Variants in KHDRBS2 observed in about 807,000 individuals in gnomAD.
KHDRBS2 encodes the protein KH domain-containing, RNA-binding, signal transduction-associated protein 2.
Under a neutral mutation model 44.3 loss-of-function variants are expected in KHDRBS2, and 26 were observed. The ratio of observed to expected loss-of-function variants is 0.59; its 90% CI spans 0.43 to 0.81. The LOEUF (loss-of-function observed/expected upper bound fraction) is 0.81, where lower values mean the gene tolerates loss of function less well. Among genes scored for constraint, KHDRBS2 ranks in the 40% least tolerant of loss-of-function variants. The pLI, the probability that KHDRBS2 is intolerant of heterozygous loss-of-function variation, is 0.00. For missense variants in KHDRBS2, 476 were observed against 433.1 expected (o/e 1.10, Z -0.88); for synonymous variants, 194 against 151.1 (o/e 1.28, Z -2.08).
At chr6:62,145,386 C>T (rs1813705950) in intron 2 of KHDRBS2, among the ~76,000 whole-genome samples, 1 of 151,096 alleles carries the variant, frequency 6.6e-6, no homozygotes, top group South Asian at 2.1e-4. Context: ...ATCGCTTTTT[C>T]ACTTTTTAAT....
chr6:62,221,783 C>A (rs1368335840), intron 1 of KHDRBS2, among the ~76,000 whole-genome samples: 3 of 152,040 alleles, frequency 2.0e-5, no homozygotes, highest in Non-Finnish European at 2.9e-5. Flanking sequence ...CTATTAAAAA[C>A]TTGACTTCAT....
intron 6 of KHDRBS2, among the ~76,000 whole-genome samples, chr6:61,736,110 T>C (rs1439917408): frequency 6.6e-6 from 1 of 151,380 alleles, no homozygotes; most frequent in Non-Finnish European, 1.5e-5. Context: ...TTTCTTTCTT[T>C]TTTTTTTTAT....
At chr6:61,935,767 A>G (rs994283915) in intron 4 of KHDRBS2, among the ~76,000 whole-genome samples, 3 of 152,126 alleles carry the variant, frequency 2.0e-5, no homozygotes, top group African/African-American at 7.2e-5. Flanking sequence ...AAATAGTAAG[A>G]TAAAACCCAT....
At chr6:61,631,994 G>C in the KHDRBS2 span, among the ~76,000 whole-genome samples, 1 of 152,176 alleles carries the variant, frequency 6.6e-6, no homozygotes, top group Non-Finnish European at 1.5e-5. Context: ...AGGGACATGA[G>C]AATAAACATA....
chr6:61,963,293 A>G (rs1424171478), intron 4 of KHDRBS2, among the ~76,000 whole-genome samples: 1 of 152,106 alleles, frequency 6.6e-6, no homozygotes, highest in Non-Finnish European at 1.5e-5. Context: ...GCAGTCTAAG[A>G]AAATATCTGA....
At chr6:62,235,001 A>G (rs900442051) in intron 1 of KHDRBS2, among the ~76,000 whole-genome samples, 1 of 151,782 alleles carries the variant, frequency 6.6e-6, no homozygotes, top group African/African-American at 2.4e-5. Context: ...AATGAATAAA[A>G]ATTCCCAAAA....
intron 1 of KHDRBS2, among the ~76,000 whole-genome samples, chr6:62,236,482 T>C (rs1833725924): frequency 6.6e-6 from 1 of 151,992 alleles, no homozygotes; most frequent in Admixed American, 6.6e-5. Context: ...ATTAGCAGAA[T>C]AATTTTATAT....
chr6:62,227,775 A>G (rs1005826416), intron 1 of KHDRBS2, among the ~76,000 whole-genome samples: 2 of 152,158 alleles, frequency 1.3e-5, no homozygotes, highest in Non-Finnish European at 2.9e-5. Flanking sequence ...GCATCTGTTG[A>G]GATGATCATG....
chr6:62,172,114 C>A (rs1346733490), intron 2 of KHDRBS2, among the ~76,000 whole-genome samples: 1 of 152,062 alleles, frequency 6.6e-6, no homozygotes, highest in East Asian at 1.9e-4. Flanking sequence ...AATGCCCCAA[C>A]TAAAAGGCAC....
At chr6:61,724,396 AC>A (rs1334105003) in intron 7 of KHDRBS2, among the ~76,000 whole-genome samples, 1 of 152,150 alleles carries the variant, frequency 6.6e-6, no homozygotes, top group Non-Finnish European at 1.5e-5. Context: ...CTATGAAGCA[AC>A]CATGTGAACA....
chr6:61,612,523 T>C, the KHDRBS2 span, among the ~76,000 whole-genome samples: 3 of 152,216 alleles, frequency 2.0e-5, no homozygotes, highest in Non-Finnish European at 4.4e-5. Context: ...CTCTCAGTGT[T>C]GTTGCAGAAG....
chr6:61,966,630 C>T (rs1770006004), intron 4 of KHDRBS2, among the ~76,000 whole-genome samples: 1 of 151,980 alleles, frequency 6.6e-6, no homozygotes, highest in Admixed American at 6.6e-5. Flanking sequence ...AATCCAGCAG[C>T]CCAATTCTTC....
the KHDRBS2 span, among the ~76,000 whole-genome samples, chr6:61,582,749 A>G: frequency 1.3e-5 from 2 of 151,578 alleles, no homozygotes; most frequent in Admixed American, 1.3e-4. Flanking sequence ...TAAAGCTTTA[A>G]GATATATATG....
intron 2 of KHDRBS2, among the ~76,000 whole-genome samples, chr6:62,169,882 T>C (rs1368211175): frequency 6.6e-6 from 1 of 151,742 alleles, no homozygotes; most frequent in Non-Finnish European, 1.5e-5. Flanking sequence ...GTGGGAGCAG[T>C]AAGATTGATC....
At chr6:61,806,062 C>T (rs1446310569) in intron 6 of KHDRBS2, among the ~76,000 whole-genome samples, 4 of 152,226 alleles carry the variant, frequency 2.6e-5, no homozygotes, top group South Asian at 4.2e-4. Flanking sequence ...ATTTTATTTT[C>T]CAAAGATATT....
chr6:62,031,012 T>C (rs1262543813), intron 3 of KHDRBS2, among the ~76,000 whole-genome samples: 6 of 152,116 alleles, frequency 3.9e-5, no homozygotes, highest in Non-Finnish European at 5.9e-5. Flanking sequence ...AAAAGCATTA[T>C]GTTAAGTGAA....
chr6:61,543,309 T>G, the KHDRBS2 span, among the ~76,000 whole-genome samples: 1 of 151,818 alleles, frequency 6.6e-6, no homozygotes. Flanking sequence ...AAGATCTCAG[T>G]AGACATTTAT....
chr6:61,774,218 T>C (rs1781530977), intron 6 of KHDRBS2, among the ~76,000 whole-genome samples: 1 of 152,174 alleles, frequency 6.6e-6, no homozygotes, highest in Non-Finnish European at 1.5e-5. Flanking sequence ...GCATTGAATC[T>C]ATAAATTACT....
intron 2 of KHDRBS2, among the ~76,000 whole-genome samples, chr6:62,111,834 A>T (rs1459471054): frequency 6.6e-6 from 1 of 152,038 alleles, no homozygotes. Flanking sequence ...ATGAGCTGTG[A>T]TCATACCATT....
Sources: gnomAD v4.1 joint callset for allele counts (sites outside exome capture counted in the v4.1 genomes callset) on GRCh38, gnomAD v4.1.1 for gene constraint, MANE v1.5 for transcripts, NCBI Gene and HGNC (gene_info 2026-07-23, HGNC 2026-07-21) for gene names.